The following SNTB1 variants were observed in gnomAD, a reference collection of about 807,000 sequenced individuals.
The protein encoded by SNTB1 is syntrophin beta 1.
Under a neutral mutation model 48.9 loss-of-function variants are expected in SNTB1, and 36 were observed. That is an observed-to-expected ratio of 0.74 (90% CI 0.56 to 0.97). The LOEUF (loss-of-function observed/expected upper bound fraction) is 0.97, where lower values mean the gene tolerates loss of function less well. Among genes scored for constraint, SNTB1 ranks in the 50% least tolerant of loss-of-function variants. The pLI, the probability that SNTB1 is intolerant of heterozygous loss-of-function variation, is 0.00. For synonymous variants in SNTB1, 299 were observed against 294.6 expected, an observed-to-expected ratio of 1.01 and a Z score of -0.15; for missense variants, 786 against 703.4, an observed-to-expected ratio of 1.12 and a Z score of -1.33.
chr8:120,692,539 G>T (rs761266443), intron 2 of SNTB1, among the ~76,000 whole-genome samples: 1 of 152,046 alleles, frequency 6.6e-6, no homozygotes, highest in Non-Finnish European at 1.5e-5. Flanking sequence ...TAAGAATTCT[G>T]GGGGATGAGG....
chr8:120,745,534 T>C (rs1315433430), intron 1 of SNTB1, among the ~76,000 whole-genome samples: 1 of 152,096 alleles, frequency 6.6e-6, no homozygotes, highest in East Asian at 1.9e-4. Flanking sequence ...CCATTCACCA[T>C]GACACCTCCT....
chr8:120,644,911 C>T (rs1021778502), intron 2 of SNTB1, among the ~76,000 whole-genome samples: 2 of 152,074 alleles, frequency 1.3e-5, no homozygotes, highest in African/African-American at 2.4e-5. Flanking sequence ...CTCTGATGGC[C>T]AGTGATGATG....
At chr8:120,742,050 T>C (rs1277750696) in intron 1 of SNTB1, among the ~76,000 whole-genome samples, 1 of 152,146 alleles carries the variant, frequency 6.6e-6, no homozygotes, top group African/African-American at 2.4e-5. Flanking sequence ...AAAAGTTTAA[T>C]CCATAGGGGA....
chr8:120,796,850 T>A (rs994967671), intron 1 of SNTB1, among the ~76,000 whole-genome samples: 16 of 152,054 alleles, frequency 1.1e-4, no homozygotes, highest in Admixed American at 3.9e-4. Flanking sequence ...TAGTATTATG[T>A]GTGTTTTATA....
intron 5 of SNTB1, among the ~76,000 whole-genome samples, chr8:120,542,974 A>C (rs528883690): frequency 2.0e-5 from 3 of 152,230 alleles, no homozygotes; most frequent in African/African-American, 7.2e-5. Flanking sequence ...TTCCATGAGG[A>C]GCACCCTGAG....
At chr8:120,769,630 C>T (rs1348422348) in intron 1 of SNTB1, 4 of 152,298 alleles carry the variant, frequency 2.6e-5, no homozygotes, top group Non-Finnish European at 2.9e-5. Context: ...CATGGAGACA[C>T]TGTACAGAGG....
chr8:120,697,714 A>G (rs1818234722), intron 1 of SNTB1, among the ~76,000 whole-genome samples: 1 of 152,252 alleles, frequency 6.6e-6, no homozygotes, highest in Non-Finnish European at 1.5e-5. Flanking sequence ...ACCATGTGCA[A>G]GAACCAGCAC....
At chr8:120,618,337 A>G (rs553226313) in intron 3 of SNTB1, among the ~76,000 whole-genome samples, 1 of 152,324 alleles carries the variant, frequency 6.6e-6, no homozygotes, top group African/African-American at 2.4e-5. Context: ...ACAATTATCT[A>G]AAATTAATTT....
At chr8:120,595,776 T>C (rs1587016176) in intron 3 of SNTB1, among the ~76,000 whole-genome samples, 3 of 151,958 alleles carry the variant, frequency 2.0e-5, no homozygotes, top group Admixed American at 2.0e-4. Flanking sequence ...AAAGATGGGG[T>C]TTCTCCATGT....
At chr8:120,805,718 T>A (rs1452643335) in intron 1 of SNTB1, among the ~76,000 whole-genome samples, 2 of 152,210 alleles carry the variant, frequency 1.3e-5, no homozygotes, top group Non-Finnish European at 2.9e-5. Flanking sequence ...ATAGCAGCAA[T>A]AGAAAACTAG....
intron 5 of SNTB1, among the ~76,000 whole-genome samples, chr8:120,548,393 T>A (rs1815418598): frequency 6.6e-6 from 1 of 152,210 alleles, no homozygotes; most frequent in Non-Finnish European, 1.5e-5. Flanking sequence ...ATATTTCCAA[T>A]AATTTTATTC....
At chr8:120,792,795 T>C (rs1820059229) in intron 1 of SNTB1, among the ~76,000 whole-genome samples, 1 of 152,010 alleles carries the variant, frequency 6.6e-6, no homozygotes, top group Non-Finnish European at 1.5e-5. Flanking sequence ...CTGATTCACA[T>C]AAGAAGTCCT....
chr8:120,681,702 G>A (rs896911977), intron 2 of SNTB1, among the ~76,000 whole-genome samples: 14 of 152,134 alleles, frequency 9.2e-5, no homozygotes, highest in African/African-American at 3.4e-4. Context: ...TGCAGAATTG[G>A]GAAGGATCTC....
intron 3 of SNTB1, among the ~76,000 whole-genome samples, chr8:120,610,602 G>T (rs1816605201): frequency 6.6e-6 from 1 of 152,148 alleles, no homozygotes. Context: ...CTTTAAAACA[G>T]TAAGGAAAGG....
intron 3 of SNTB1, among the ~76,000 whole-genome samples, chr8:120,581,438 T>C (rs531201437): frequency 3.3e-5 from 5 of 151,856 alleles, no homozygotes; most frequent in Admixed American, 1.3e-4. Context: ...AACTCGTCTC[T>C]ACTAAAAATA....
At chr8:120,640,217 C>T (rs1043597819) in intron 2 of SNTB1, among the ~76,000 whole-genome samples, 1 of 151,958 alleles carries the variant, frequency 6.6e-6, no homozygotes, top group Non-Finnish European at 1.5e-5. Context: ...GTGATTTTTG[C>T]ACATTGATTT....
chr8:120,774,635 T>G (rs982856712), intron 1 of SNTB1, among the ~76,000 whole-genome samples: 2 of 152,044 alleles, frequency 1.3e-5, no homozygotes, highest in South Asian at 2.1e-4. Context: ...GAGGGTTTGT[T>G]GGTTTGTTTG....
chr8:120,603,896 G>A (rs1816467023), intron 3 of SNTB1, among the ~76,000 whole-genome samples: 1 of 152,162 alleles, frequency 6.6e-6, no homozygotes, highest in Admixed American at 6.5e-5. Flanking sequence ...TCTCCCCAGA[G>A]GTACACTTTG....
chr8:120,683,629 G>C (rs1817976692), intron 2 of SNTB1, among the ~76,000 whole-genome samples: 1 of 152,062 alleles, frequency 6.6e-6, no homozygotes, highest in South Asian at 2.1e-4. Flanking sequence ...GATAGTTAAG[G>C]TATTGAGAAC....
Sources: allele counts gnomAD v4.1 joint callset (sites outside exome capture counted in the v4.1 genomes callset), GRCh38; gene constraint gnomAD v4.1.1; transcripts MANE v1.5; gene names NCBI Gene and HGNC (gene_info 2026-07-23, HGNC 2026-07-21).